SLC15A1: variants seen among roughly 807,000 people sequenced by gnomAD.
SLC15A1 encodes Caco-2 oligopeptide transporter.
SLC15A1 carries 83 observed loss-of-function variants against 92.9 expected under a neutral mutation model. The observed-to-expected ratio is 0.89, with a 90% CI of 0.75 to 1.07. The LOEUF is 1.07. Among genes scored for constraint, SLC15A1 ranks in the 50% least tolerant of loss-of-function variants. The probability of loss-of-function intolerance (pLI) is 0.00; values close to 1 mark genes in which losing one functional copy is unlikely to be tolerated. For missense variants in SLC15A1, 857 were observed against 880.1 expected (o/e 0.97, Z 0.33); for synonymous variants, 322 against 318.2 (o/e 1.01, Z -0.13).
intron 18 of SLC15A1, among the ~76,000 whole-genome samples, chr13:98,690,621 TC>T (rs1437188570): frequency 6.6e-6 from 1 of 152,000 alleles, no homozygotes; most frequent in Non-Finnish European, 1.5e-5. Flanking sequence ...GAAAACACAG[TC>T]CGAGTAACTT....
intron 1 of SLC15A1, 23 bp downstream of exon 1, chr13:98,752,571 CG>C (rs2088556293): frequency 2.4e-6 from 3 of 1,262,090 alleles, no homozygotes; most frequent in Admixed American, 4.1e-5. Context: ...TTAGCCCGGC[CG>C]GCCCCCCACC....
At chr13:98,718,776 T>C (rs2088231362) in intron 8 of SLC15A1, among the ~76,000 whole-genome samples, 1 of 152,166 alleles carries the variant, frequency 6.6e-6, no homozygotes, top group Admixed American at 6.5e-5. Flanking sequence ...ACCATTGCAC[T>C]CCAGCCTGGG....
At chr13:98,705,479 T>C (rs1210613008) in intron 16 of SLC15A1, among the ~76,000 whole-genome samples, 1 of 152,186 alleles carries the variant, frequency 6.6e-6, no homozygotes, top group African/African-American at 2.4e-5. Flanking sequence ...GATGGCTAAA[T>C]GTCCCCTAGC....
chr13:98,707,465 A>T (rs1022405370), intron 15 of SLC15A1, among the ~76,000 whole-genome samples: 1 of 152,230 alleles, frequency 6.6e-6, no homozygotes, highest in African/African-American at 2.4e-5. Context: ...AGACTCAGAA[A>T]GTAGAATGGG....
intron 9 of SLC15A1, among the ~76,000 whole-genome samples, chr13:98,713,121 G>A (rs2088180044): frequency 6.6e-6 from 1 of 152,178 alleles, no homozygotes; most frequent in Non-Finnish European, 1.5e-5. Context: ...CAGTGGCACT[G>A]TCTTGGCTCA....
rs1381494801 is a variant in SLC15A1, at chr13:98,704,323, GTGTGGCGT to G, written c.1374_1381del (p.Gln458HisfsTer18). 1.2e-6 allele frequency: 2 copies of G among 1,613,540 alleles called. No individual in the cohort carries two copies. The highest frequency in any genetic ancestry group is 4.5e-5 in the East Asian group (2 of 44,842). ...GTGATTGGGGGCCCACACTAGAAGC[GTGTGGCGT>G]TGGCCCTGCTTGAAGTCGTCAGTTA... On this transcript the variant is annotated frameshift_variant, in exon 17 of 23. Coordinates refer to ENST00000376503, the MANE Select transcript of SLC15A1 (RefSeq NM_005073.4). LOFTEE classifies it high-confidence loss of function.
At chr13:98,701,414 T>C (rs539696756) in intron 18 of SLC15A1, among the ~76,000 whole-genome samples, 21 of 152,278 alleles carry the variant, frequency 1.4e-4, no homozygotes, top group African/African-American at 5.1e-4. Flanking sequence ...CACTTATTGA[T>C]TCTGTGAGCT....
At chr13:98,713,724 T>A (rs575188098) in intron 9 of SLC15A1, among the ~76,000 whole-genome samples, 2 of 152,064 alleles carry the variant, frequency 1.3e-5, no homozygotes, top group East Asian at 3.9e-4. Flanking sequence ...GTGAGGCTGG[T>A]GGAGGCTGGA....
At chr13:98,699,013 T>A (rs1021356060) in intron 18 of SLC15A1, among the ~76,000 whole-genome samples, 1 of 152,132 alleles carries the variant, frequency 6.6e-6, no homozygotes, top group Non-Finnish European at 1.5e-5. Flanking sequence ...CAGTGCTATA[T>A]AAATTTTAAC....
intron 18 of SLC15A1, among the ~76,000 whole-genome samples, chr13:98,699,141 G>A (rs1256582475): frequency 5.3e-5 from 8 of 152,110 alleles, no homozygotes; most frequent in African/African-American, 1.9e-4. Flanking sequence ...TGTGTTCTGT[G>A]TCCCTGGAGT....
At chr13:98,739,698 C>G (rs2088426967) in intron 1 of SLC15A1, among the ~76,000 whole-genome samples, 1 of 152,172 alleles carries the variant, frequency 6.6e-6, no homozygotes, top group Admixed American at 6.5e-5. Context: ...GAGCCATAAG[C>G]CAATTAAACC....
chr13:98,728,698 A>T (rs1166219753), intron 1 of SLC15A1, among the ~76,000 whole-genome samples: 1 of 152,070 alleles, frequency 6.6e-6, no homozygotes, highest in Non-Finnish European at 1.5e-5. Context: ...TTCAAAATAG[A>T]GGCTGGGCGC....
chr13:98,687,729 A>C lies in SLC15A1; in HGVS notation c.1684-5T>G. The C allele has an allele frequency of 1.2e-6, 2 of 1,612,170 alleles. No homozygotes were observed. Among genetic ancestry groups the C allele is most frequent in the Non-Finnish European group, 1.7e-6 (2 of 1,179,484 alleles). On this transcript the variant is annotated splice_region_variant and splice_polypyrimidine_tract_variant and intron_variant, in intron 20 of 22. Coordinates refer to ENST00000376503, the MANE Select transcript of SLC15A1 (RefSeq NM_005073.4). ...CACTTCAGGGCAGCTGTCATTCTGC[A>C]GCAGTAAGGCAAAAGCAGAAGAAGT...
At position 98,687,623 on chromosome 13, in the gene SLC15A1, T is replaced by G. The variant is rs887180807; in HGVS notation, c.1785A>C (p.Glu595Asp). 6.2e-7 allele frequency: 1 copy of G among 1,614,048 alleles called. No individual in the cohort carries two copies. Among genetic ancestry groups the G allele is most frequent in the African/African-American group, 1.3e-5 (1 of 74,928 alleles). ...IPQYFLLTCGEVVFSVTGLEF... is the reference protein window; with the variant it reads ...IPQYFLLTCGDVVFSVTGLEF... ...CCAATCCCGTGACAGAGAAGACCACTTCGCCACAGGTGAGAAGAAAATACT... is the reference window on the plus strand; with the variant it reads ...CCAATCCCGTGACAGAGAAGACCACGTCGCCACAGGTGAGAAGAAAATACT... The change falls in exon 21 of 23, where the codon GAA becomes GAC. Residue 595 changes from glutamate to aspartate, a missense_variant. Physicochemically the swap from Glu to Asp is conservative, Grantham distance 45 (BLOSUM62 2). Transcript: ENST00000376503.
At position 98,703,160 on chromosome 13, in the gene SLC15A1, G is replaced by A. The variant is rs1041120057; in HGVS notation, c.1417-631C>T. ...AGAAAGAATGAAAGAATGGATGGACGGACAGAAGGAAGGAAGGAAGGGAGG... is the reference window on the plus strand; with the variant it reads ...AGAAAGAATGAAAGAATGGATGGACAGACAGAAGGAAGGAAGGAAGGGAGG... On this transcript the variant is annotated intron_variant, in intron 17 of 22. Coordinates refer to ENST00000376503, the MANE Select transcript of SLC15A1 (RefSeq NM_005073.4). Among the ~76,000 whole-genome samples the A allele has an allele frequency of 4.3e-4, 58 of 133,622 alleles. 3 individuals carry two copies. Among genetic ancestry groups the A allele is most frequent in the Non-Finnish European group, 4.8e-5 (3 of 62,606 alleles). 87.7% of individuals were successfully genotyped at this position (133,622 alleles called of 152,430 possible).
rs560447778 is a variant in SLC15A1, at chr13:98,727,626, C to T, written c.5-767G>A. Among the ~76,000 whole-genome samples, 32 of 152,288 alleles carry T rather than the reference C, an allele frequency of 2.1e-4. No homozygotes were observed. In the South Asian group the frequency reaches 3.9e-3, roughly 19 times the overall value. ...CTCTCCCATGTGCATCCTAGGAGCG[C>T]CTCATCCCCATCCCGTCAGCACCTG... On this transcript the variant is annotated intron_variant, in intron 1 of 22. Transcript: ENST00000376503.
chr13:98,685,470 T>C (rs117315302), intron 22 of SLC15A1, among the ~76,000 whole-genome samples: 1 of 152,218 alleles, frequency 6.6e-6, no homozygotes, highest in Non-Finnish European at 1.5e-5. Context: ...AGAGCCCTCA[T>C]TTAATTTTAG....
intron 16 of SLC15A1, among the ~76,000 whole-genome samples, chr13:98,705,184 G>A (rs2088102515): frequency 7.2e-6 from 1 of 138,280 alleles, no homozygotes; most frequent in South Asian, 2.5e-4. Flanking sequence ...GGGCGACAGA[G>A]TGAGGCTCTG....
At chr13:98,731,125 A>C (rs2088347369) in intron 1 of SLC15A1, among the ~76,000 whole-genome samples, 1 of 152,094 alleles carries the variant, frequency 6.6e-6, no homozygotes. Flanking sequence ...GGCAACAGGG[A>C]GGCTGCTGCA....
Sources: allele counts gnomAD v4.1 joint callset (sites outside exome capture counted in the v4.1 genomes callset), GRCh38; gene constraint gnomAD v4.1.1; transcripts MANE v1.5; gene names NCBI Gene and HGNC (gene_info 2026-07-23, HGNC 2026-07-21).